Variants in CUEDC2 observed in about 807,000 individuals in gnomAD.
CUEDC2 encodes CUE domain containing 2, also known as CUE domain-containing protein 2.
Under a neutral mutation model 36.0 loss-of-function variants are expected in CUEDC2, and 10 were observed. The observed-to-expected ratio is 0.28, with a 90% CI of 0.17 to 0.47. The LOEUF (loss-of-function observed/expected upper bound fraction) is 0.47, where lower values mean the gene tolerates loss of function less well. CUEDC2 is among the 20% of genes least tolerant of loss of function. The pLI is 0.99. For missense variants in CUEDC2, 269 were observed against 368.1 expected, an observed-to-expected ratio of 0.73 and a Z score of 2.20; for synonymous variants, 133 against 141.8, an observed-to-expected ratio of 0.94 and a Z score of 0.44.
intron 1 of CUEDC2, among the ~76,000 whole-genome samples, 188 bp downstream of exon 1, chr10:102,432,338 G>A (rs1042565746): frequency 2.0e-5 from 3 of 152,218 alleles, no homozygotes; most frequent in African/African-American, 7.2e-5. Flanking sequence ...TGTGGCCTTG[G>A]AGGACACATG....
chr10:102,430,824 C>A (rs1282368643), intron 1 of CUEDC2, among the ~76,000 whole-genome samples: 1 of 152,148 alleles, frequency 6.6e-6, no homozygotes, highest in Non-Finnish European at 1.5e-5. Flanking sequence ...TAAGTAGCAC[C>A]TAAGCAGCCA....
intron 1 of CUEDC2, among the ~76,000 whole-genome samples, chr10:102,428,374 T>C (rs2061605422): frequency 6.6e-6 from 1 of 152,206 alleles, no homozygotes; most frequent in Admixed American, 6.5e-5. Flanking sequence ...GAGCCATTCA[T>C]TACCACCCAC....
intron 1 of CUEDC2, among the ~76,000 whole-genome samples, chr10:102,425,852 C>T (rs759620867): frequency 1.2e-4 from 18 of 152,078 alleles, no homozygotes; most frequent in Non-Finnish European, 2.1e-4. Context: ...CCTCCCCAGT[C>T]CCTCCTCCCT....
At chr10:102,430,289 C>T (rs2061612396) in intron 1 of CUEDC2, among the ~76,000 whole-genome samples, 1 of 151,694 alleles carries the variant, frequency 6.6e-6, no homozygotes. Flanking sequence ...CTGCCTCAGC[C>T]CTCCTGAGTA....
Position 102,424,221 on chromosome 10 carries a change from C to G in CUEDC2, c.411+43G>C. The G allele has an allele frequency of 6.2e-7, 1 of 1,610,532 alleles. No individual in the cohort carries two copies. Among genetic ancestry groups the G allele is most frequent in the Non-Finnish European group, 8.5e-7 (1 of 1,177,882 alleles). On this transcript the variant is annotated intron_variant, in intron 5 of 8. Coordinates refer to ENST00000369937, the MANE Select transcript of CUEDC2 (RefSeq NM_024040.3). This position sits in a 1 kb window ranked among gnomAD's most constrained non-coding sequence, Gnocchi z 4.2. Reference sequence around the variant, plus strand: ...AACAAGAGGCAATACTCCCCCCTTTCCAGCCCCCTGGGTCCCTCATCGGTA... The same window carrying G: ...AACAAGAGGCAATACTCCCCCCTTTGCAGCCCCCTGGGTCCCTCATCGGTA...
chr10:102,427,681 C>G (rs909100697), intron 1 of CUEDC2, among the ~76,000 whole-genome samples: 4 of 152,156 alleles, frequency 2.6e-5, no homozygotes. Context: ...CAAGAACTTC[C>G]TAACCCTTCT....
At chr10:102,429,021 C>CAAAA (rs11352968) in intron 1 of CUEDC2, among the ~76,000 whole-genome samples, 2 of 102,158 alleles carry the variant, frequency 2.0e-5, no homozygotes, top group African/African-American at 4.4e-5. Flanking sequence ...GACTTTGTCT[C>CAAAA]AAAAAAAAAA....
At position 102,424,460 on chromosome 10, in the gene CUEDC2, G is replaced by A; in HGVS notation, c.280+39C>T. 1.2e-6 allele frequency: 2 copies of A among 1,614,050 alleles called. No individual in the cohort carries two copies. Among genetic ancestry groups the A allele is most frequent in the Non-Finnish European group, 1.7e-6 (2 of 1,179,976 alleles). ...GGGGAGCAGGCAGTTGGGGGAGCGG[G>A]ATTATGAATCACTCAGGTGCCCAGA... On this transcript the variant is annotated intron_variant, in intron 4 of 8. Transcript: ENST00000369937. This position sits in a 1 kb window ranked among gnomAD's most constrained non-coding sequence, Gnocchi z 4.2.
chr10:102,425,637 C>T (rs77579852), intron 1 of CUEDC2, among the ~76,000 whole-genome samples: 1 of 151,916 alleles, frequency 6.6e-6, no homozygotes, highest in Non-Finnish European at 1.5e-5. Flanking sequence ...CAGCCCTTCC[C>T]CCACCCAGAA....
chr10:102,426,883 A>G (rs1338303407), intron 1 of CUEDC2, among the ~76,000 whole-genome samples: 1 of 151,118 alleles, frequency 6.6e-6, no homozygotes, highest in Admixed American at 6.6e-5. Flanking sequence ...GCTGGTCTCG[A>G]ACTCCTGGGC....
chr10:102,424,497 A>G lies in CUEDC2; in HGVS notation c.280+2T>C, dbSNP rs2061588393. On this transcript the variant is annotated splice_donor_variant, in intron 4 of 8. Transcript: ENST00000369937. LOFTEE classifies it high-confidence loss of function. This position sits in a 1 kb window ranked among gnomAD's most constrained non-coding sequence, Gnocchi z 4.2. ...CTCAGGTGCCCAGAGCCCCAGACTC[A>G]CCTTTGTTCCTGGCATCGCTCAGCT... 2 of 1,613,912 alleles carry G rather than the reference A, an allele frequency of 1.2e-6. No homozygotes were observed. The highest frequency in any genetic ancestry group is 1.7e-6 in the Non-Finnish European group (2 of 1,180,002).
In CUEDC2 at chr10:102,431,435, C is replaced by T. The variant is rs571705763; in HGVS notation, c.-11+1091G>A. Among the ~76,000 whole-genome samples, 4 of 152,284 alleles carry T rather than the reference C, an allele frequency of 2.6e-5. No homozygotes were observed. The South Asian group carries it at 6.2e-4, about 24-fold the overall frequency. ...CTGGGATTACAGGCATGAACCACCGCGCCCGGCCGTATTATCCACATTTTA... is the reference window on the plus strand; with the variant it reads ...CTGGGATTACAGGCATGAACCACCGTGCCCGGCCGTATTATCCACATTTTA... On this transcript the variant is annotated intron_variant, in intron 1 of 8. Transcript: ENST00000369937.
At chr10:102,428,247 G>C (rs1277690938) in intron 1 of CUEDC2, among the ~76,000 whole-genome samples, 1 of 152,128 alleles carries the variant, frequency 6.6e-6, no homozygotes, top group Non-Finnish European at 1.5e-5. Flanking sequence ...CCCCACCCTG[G>C]CTTTCTTTCA....
At chr10:102,427,445 G>A (rs1456104555) in intron 1 of CUEDC2, among the ~76,000 whole-genome samples, 5 of 152,122 alleles carry the variant, frequency 3.3e-5, no homozygotes, top group African/African-American at 9.7e-5. Flanking sequence ...CACAGTTAGC[G>A]TGTCCCAAAC....
At chr10:102,426,333 GCTC>G (rs1278646459) in intron 1 of CUEDC2, among the ~76,000 whole-genome samples, 8 of 152,142 alleles carry the variant, frequency 5.3e-5, no homozygotes, top group Non-Finnish European at 8.8e-5. Flanking sequence ...CCAAATGCCA[GCTC>G]ATCATCCCAC....
At chr10:102,431,560 C>G (rs1319301447) in intron 1 of CUEDC2, among the ~76,000 whole-genome samples, 2 of 152,168 alleles carry the variant, frequency 1.3e-5, no homozygotes, top group African/African-American at 4.8e-5. Flanking sequence ...GATCCAGAAC[C>G]CTCACTGTTA....
chr10:102,428,907 A>T (rs1416666356), intron 1 of CUEDC2, among the ~76,000 whole-genome samples: 1 of 151,926 alleles, frequency 6.6e-6, no homozygotes, highest in African/African-American at 2.4e-5. Context: ...CTGTAGTCCC[A>T]GCTACTCAGG....
intron 1 of CUEDC2, among the ~76,000 whole-genome samples, chr10:102,428,327 G>A (rs2061605204): frequency 6.6e-6 from 1 of 152,172 alleles, no homozygotes; most frequent in Non-Finnish European, 1.5e-5. Flanking sequence ...CATCATCTGA[G>A]TGGGACAATG....
chr10:102,424,692 C>T lies in CUEDC2; in HGVS notation c.175G>A (p.Glu59Lys). Reference protein sequence around the residue: ...EENFDMEAFTEMMEAYVPGFA... With the variant: ...EENFDMEAFTKMMEAYVPGFA... ...CCAGGCACATAGGCCTCCATCATCT[C>T]AGTGAAAGCCTCCATATCGAAGTTC... Residue 59 changes from glutamate to lysine, a missense_variant, in exon 3 of 9, where the codon GAG becomes AAG. Coordinates refer to ENST00000369937, the MANE Select transcript of CUEDC2 (RefSeq NM_024040.3). The surrounding 1 kb of genome is among the most constrained non-coding windows in gnomAD (Gnocchi z 4.2). 6.2e-7 allele frequency: 1 copy of T among 1,614,196 alleles called. No individual in the cohort carries two copies. The highest frequency in any genetic ancestry group is 8.5e-7 in the Non-Finnish European group (1 of 1,180,024).
Sources: allele counts gnomAD v4.1 joint callset (sites outside exome capture counted in the v4.1 genomes callset), GRCh38; gene constraint gnomAD v4.1.1; non-coding constraint Gnocchi (gnomAD v3.1); transcripts MANE v1.5; gene names NCBI Gene and HGNC (gene_info 2026-07-23, HGNC 2026-07-21).